Variants in CCDC57 observed in about 807,000 individuals in gnomAD.
The protein encoded by CCDC57 is coiled-coil domain containing 57, also known as coiled-coil domain-containing protein 57.
CCDC57 carries 118 observed loss-of-function variants against 118.9 expected under a neutral mutation model. The observed-to-expected ratio is 0.99, with a 90% CI of 0.86 to 1.16. CCDC57 has a LOEUF of 1.16. CCDC57 is among the 50% of genes most tolerant of loss of function. The pLI is 0.00. For missense variants in CCDC57, 1,300 were observed against 1,320.7 expected, an observed-to-expected ratio of 0.98 and a Z score of 0.24; for synonymous variants, 527 against 532.9, an observed-to-expected ratio of 0.99 and a Z score of 0.15.
Position 82,118,908 on chromosome 17 carries a change from G to GT in CCDC57, c.2899+8783dup, listed in dbSNP as rs2036273464. Among the ~76,000 whole-genome samples the GT allele has an allele frequency of 6.6e-6, 1 of 151,490 alleles. No individual in the cohort carries two copies. Among genetic ancestry groups the GT allele is most frequent in the African/African-American group, 2.4e-5 (1 of 41,138 alleles). On this transcript the variant is annotated intron_variant, in intron 19 of 19. Transcript: ENST00000665763. The surrounding 1 kb of genome is among the most constrained non-coding windows in gnomAD (Gnocchi z 4.7). ...CATTCTACTTCTGCGTATTTTCGTG[G>GT]TTTGCCTTGGAGTCCCTCCCTCGCC...
intron 10 of CCDC57, 21 bp downstream of exon 9, chr17:82,179,006 G>A: frequency 6.2e-7 from 1 of 1,610,356 alleles, no homozygotes; most frequent in Non-Finnish European, 8.5e-7. Flanking sequence ...GAAGGCCCCA[G>A]GCCCTGGTGG....
intron 19 of CCDC57, among the ~76,000 whole-genome samples, chr17:82,121,924 C>T (rs2036740900): frequency 6.6e-6 from 1 of 152,124 alleles, no homozygotes; most frequent in Admixed American, 6.5e-5. Context: ...TTAACTGATC[C>T]ACACCAGCCC....
intron 19 of CCDC57, chr17:82,104,802 G>C (rs1033339965): frequency 1.3e-5 from 2 of 152,318 alleles, no homozygotes; most frequent in African/African-American, 4.8e-5. Context: ...GCCTCCCAAA[G>C]TGCTGGGATT....
Position 82,146,360 on chromosome 17 carries a change from C to T in CCDC57, c.2455+5200G>A, listed in dbSNP as rs186830972. ...TGCCTAAACCTTTGCAATCAGGACT[C>T]ATCTTTTTTATTTTTTTAAATGTTT... On this transcript the variant is annotated intron_variant, in intron 16 of 19. Coordinates refer to ENST00000665763, the Ensembl canonical transcript of CCDC57. Among the ~76,000 whole-genome samples, 184 of 152,164 alleles carry T rather than the reference C, an allele frequency of 1.2e-3. 2 individuals carry two copies. The highest frequency in any genetic ancestry group is 4.0e-3 in the African/African-American group (167 of 41,502).
At chr17:82,113,405 G>A (rs1365059798) in intron 19 of CCDC57, 1 of 717,576 alleles carries the variant, frequency 1.4e-6, no homozygotes, top group Non-Finnish European at 2.6e-6. Flanking sequence ...GAGCAGCAAT[G>A]GGACTAGAAC....
rs1258503858 is a variant in CCDC57, at chr17:82,141,201, T to G, written c.2456-7007A>C. On this transcript the variant is annotated intron_variant, in intron 16 of 19. Coordinates refer to ENST00000665763, the Ensembl canonical transcript of CCDC57. ...AATTTTTTTTTTTTTTTTTTTTTTGTGAGACAGAGTCTTGCTCTTGTTGCC... is the reference window on the plus strand; with the variant it reads ...AATTTTTTTTTTTTTTTTTTTTTTGGGAGACAGAGTCTTGCTCTTGTTGCC... Among the ~76,000 whole-genome samples the G allele has an allele frequency of 3.3e-4, 39 of 117,532 alleles. 1 individual carries two copies. Among genetic ancestry groups the G allele is most frequent in the Middle Eastern group, 4.9e-3 (1 of 206 alleles). The allele number at this position is 117,532 out of a possible 152,430, so 77.1% of individuals were successfully genotyped here.
At chr17:82,183,510 A>G (rs1203792300) in intron 9 of CCDC57, among the ~76,000 whole-genome samples, 1 of 152,130 alleles carries the variant, frequency 6.6e-6, no homozygotes, top group African/African-American at 2.4e-5. Flanking sequence ...TGCAGAATCA[A>G]GCAGGAGCAC....
At chr17:82,141,807 T>C (rs2040046620) in intron 16 of CCDC57, among the ~76,000 whole-genome samples, 1 of 152,192 alleles carries the variant, frequency 6.6e-6, no homozygotes, top group East Asian at 1.9e-4. Context: ...TGAGATTACT[T>C]TCCATCAAAA....
At chr17:82,105,165 C>T (rs2034760498) in intron 19 of CCDC57, 1 of 152,340 alleles carries the variant, frequency 6.6e-6, no homozygotes, top group South Asian at 2.1e-4. Flanking sequence ...TCTCCAGAGC[C>T]TGCCTTGGGG....
chr17:82,165,374 G>T (rs528916161), intron 13 of CCDC57, among the ~76,000 whole-genome samples: 4 of 152,190 alleles, frequency 2.6e-5, no homozygotes, highest in African/African-American at 9.6e-5. Context: ...AGTGAGAAAT[G>T]AAGGCTGAGT....
At chr17:82,139,831 C>G in intron 16 of CCDC57, among the ~76,000 whole-genome samples, 1 of 152,128 alleles carries the variant, frequency 6.6e-6, no homozygotes. Flanking sequence ...AGTCTCTAGT[C>G]GAGAAGCAGA....
At chr17:82,165,806 T>G (rs2043922232) in intron 13 of CCDC57, among the ~76,000 whole-genome samples, 1 of 152,164 alleles carries the variant, frequency 6.6e-6, no homozygotes, top group Non-Finnish European at 1.5e-5. Flanking sequence ...TGGTAGCTCA[T>G]GTATGGGCAG....
intron 8 of CCDC57, among the ~76,000 whole-genome samples, chr17:82,184,249 C>T (rs984585283): frequency 3.3e-5 from 5 of 152,024 alleles, no homozygotes; most frequent in South Asian, 2.1e-4. Context: ...TCTTGGTGGG[C>T]GGAAGGTGAG....
intron 19 of CCDC57, chr17:82,113,424 C>T (rs759625547): frequency 5.6e-6 from 4 of 717,532 alleles, no homozygotes; most frequent in Non-Finnish European, 7.8e-6. Flanking sequence ...ACGACAGGAG[C>T]AGGTAGTGAG....
intron 19 of CCDC57, among the ~76,000 whole-genome samples, chr17:82,105,273 G>A (rs2144868141): frequency 6.6e-6 from 1 of 152,276 alleles, no homozygotes; most frequent in East Asian, 1.9e-4. Context: ...GCTCTGTGTG[G>A]TTCACCCCTG....
At chr17:82,184,051 A>T in intron 8 of CCDC57, 119 bp from the exon 8 acceptor site, 1 of 560,712 alleles carries the variant, frequency 1.8e-6, no homozygotes. Context: ...ACACACACAC[A>T]CACACACACA....
rs2044943793 is a variant in CCDC57, at chr17:82,172,936, T to C, written c.1507-76A>G. The C allele has an allele frequency of 7.3e-7, 1 of 1,361,382 alleles. No individual in the cohort carries two copies. Among genetic ancestry groups the C allele is most frequent in the Non-Finnish European group, 1.0e-6 (1 of 979,674 alleles). The allele number at this position is 1,361,382 out of a possible 1,614,324, so 84.3% of individuals were successfully genotyped here. A position where few individuals can be genotyped will look rare whatever the true frequency, so the allele number is the denominator to read the frequency against. Reference sequence around the variant, plus strand: ...TTGTCCTGACAGGCTGTGCCTCCGCTCTCCCCGCGCCCCTCTCGGGCCGGT... The same window carrying C: ...TTGTCCTGACAGGCTGTGCCTCCGCCCTCCCCGCGCCCCTCTCGGGCCGGT... On this transcript the variant is annotated intron_variant, in intron 11 of 19. Coordinates refer to ENST00000665763, the Ensembl canonical transcript of CCDC57. This position sits in a 1 kb window ranked among gnomAD's most constrained non-coding sequence, Gnocchi z 5.2.
chr17:82,120,171 A>ATTT (rs200053710), intron 19 of CCDC57, among the ~76,000 whole-genome samples: 1 of 131,578 alleles, frequency 7.6e-6, no homozygotes, highest in Non-Finnish European at 1.7e-5. Context: ...TATTATTATT[A>ATTT]TTATTTTTTT....
At chr17:82,191,885 C>A (rs573757214) in intron 7 of CCDC57, among the ~76,000 whole-genome samples, 1 of 151,954 alleles carries the variant, frequency 6.6e-6, no homozygotes, top group African/African-American at 2.4e-5. Flanking sequence ...CTAGGCTGGT[C>A]TTGAACTCCA....
Sources: gnomAD v4.1 joint callset for allele counts (sites outside exome capture counted in the v4.1 genomes callset) on GRCh38, gnomAD v4.1.1 for gene constraint, Gnocchi (gnomAD v3.1) non-coding constraint, MANE v1.5 for transcripts, NCBI Gene and HGNC (gene_info 2026-07-23, HGNC 2026-07-21) for gene names.